The following CAMK1D variants were observed in gnomAD, a reference collection of about 807,000 sequenced individuals.
CAMK1D encodes calcium/calmodulin dependent protein kinase ID, also known as calcium/calmodulin-dependent protein kinase type 1D.
Under a neutral mutation model 47.7 loss-of-function variants are expected in CAMK1D, and 9 were observed. The observed-to-expected ratio is 0.19, with a 90% CI of 0.11 to 0.33. The LOEUF is 0.33. Ranked by LOEUF, CAMK1D falls within the 10% of genes least tolerant of loss-of-function variation. The pLI, the probability that CAMK1D is intolerant of heterozygous loss-of-function variation, is 1.00. For synonymous variants in CAMK1D, 184 were observed against 184.9 expected (o/e 0.99, Z 0.04); for missense variants, 291 against 488.7 (o/e 0.60, Z 3.81).
chr10:12,352,343 C>G (rs1837378422), intron 1 of CAMK1D, among the ~76,000 whole-genome samples: 1 of 152,160 alleles, frequency 6.6e-6, no homozygotes, highest in Non-Finnish European at 1.5e-5. Context: ...GGCGTGGTGG[C>G]TCACACCTGT....
chr10:12,391,976 AACACACACACACACACAC>A (rs10659393), intron 1 of CAMK1D, among the ~76,000 whole-genome samples: 10 of 143,146 alleles, frequency 7.0e-5, no homozygotes, highest in African/African-American at 2.4e-4. Flanking sequence ...CTTGTCTTAA[AACACACACACACACACAC>A]ACACACACAC....
intron 3 of CAMK1D, among the ~76,000 whole-genome samples, chr10:12,694,711 G>A (rs866349565): frequency 7.3e-5 from 11 of 150,254 alleles, no homozygotes; most frequent in African/African-American, 2.0e-4. Context: ...AGGATGACAC[G>A]TTTATTTTAA....
At chr10:12,816,483 C>T (rs1419214229) in intron 8 of CAMK1D, among the ~76,000 whole-genome samples, 155 bp downstream of exon 8, 1 of 152,108 alleles carries the variant, frequency 6.6e-6, no homozygotes, top group East Asian at 1.9e-4. Context: ...TCTCCCCAAG[C>T]CAACATTTGA....
intron 1 of CAMK1D, among the ~76,000 whole-genome samples, chr10:12,386,215 G>A (rs531340361): frequency 6.6e-6 from 1 of 152,192 alleles, no homozygotes; most frequent in East Asian, 1.9e-4. Flanking sequence ...AAGGTGGACC[G>A]ATTGCTTGAG....
chr10:12,385,739 C>CTTTT (rs71384318), intron 1 of CAMK1D, among the ~76,000 whole-genome samples: 4 of 100,544 alleles, frequency 4.0e-5, no homozygotes, highest in African/African-American at 3.9e-5. Flanking sequence ...TTGAATTGTA[C>CTTTT]TTTTTTTTTT....
intron 1 of CAMK1D, among the ~76,000 whole-genome samples, chr10:12,502,656 C>G (rs1034255004): frequency 4.6e-5 from 7 of 152,208 alleles, no homozygotes; most frequent in African/African-American, 1.4e-4. Context: ...CCTCGGACAC[C>G]AGGATGCTTG....
intron 1 of CAMK1D, among the ~76,000 whole-genome samples, chr10:12,419,852 A>G (rs774112661): frequency 1.3e-5 from 2 of 152,184 alleles, no homozygotes; most frequent in South Asian, 2.1e-4. Flanking sequence ...TCCTGTTGTC[A>G]TAGTGATTTA....
chr10:12,714,761 TACACACACACACACACAC>T (rs55827922), intron 3 of CAMK1D, among the ~76,000 whole-genome samples: 5 of 130,518 alleles, frequency 3.8e-5, no homozygotes, highest in South Asian at 5.6e-4. Context: ...TACATTAAAT[TACACACACACACACACAC>T]ACACACACAC....
chr10:12,810,315 C>T (rs1355389635), intron 6 of CAMK1D, among the ~76,000 whole-genome samples: 28 of 132,914 alleles, frequency 2.1e-4, no homozygotes, highest in Admixed American at 1.4e-3. Flanking sequence ...CGCTTTGTTG[C>T]CCAGGCTGGA....
chr10:12,608,748 A>G (rs948585058), intron 2 of CAMK1D, among the ~76,000 whole-genome samples: 1 of 152,238 alleles, frequency 6.6e-6, no homozygotes, highest in Non-Finnish European at 1.5e-5. Flanking sequence ...TTTGCTTTTT[A>G]CTTCAAACAT....
chr10:12,801,322 T>TA (rs1217331356), intron 6 of CAMK1D, among the ~76,000 whole-genome samples: 7 of 114,764 alleles, frequency 6.1e-5, no homozygotes, highest in South Asian at 3.0e-4. Context: ...TCTATCTATC[T>TA]ATCTATCTAT....
intron 2 of CAMK1D, among the ~76,000 whole-genome samples, chr10:12,599,107 C>T (rs935161978): frequency 1.3e-5 from 2 of 152,156 alleles, no homozygotes; most frequent in Admixed American, 1.3e-4. Context: ...GTTCCTACAG[C>T]CAATAACTCG....
At chr10:12,593,893 A>G (rs1009640460) in intron 2 of CAMK1D, among the ~76,000 whole-genome samples, 1 of 152,066 alleles carries the variant, frequency 6.6e-6, no homozygotes, top group African/African-American at 2.4e-5. Context: ...TCATTAAAAC[A>G]TGGCCAGGCG....
chr10:12,635,397 A>G (rs996719648), intron 2 of CAMK1D, among the ~76,000 whole-genome samples: 1 of 152,230 alleles, frequency 6.6e-6, no homozygotes, highest in African/African-American at 2.4e-5. Context: ...AAAACTGTTC[A>G]GATGTCACCG....
chr10:12,730,761 G>A (rs2130810801), intron 3 of CAMK1D, among the ~76,000 whole-genome samples: 1 of 152,264 alleles, frequency 6.6e-6, no homozygotes, highest in African/African-American at 2.4e-5. Flanking sequence ...GGAAGGAGTG[G>A]TCTCCAGGGT....
intron 10 of CAMK1D, among the ~76,000 whole-genome samples, chr10:12,827,211 C>G (rs1833242235): frequency 1.3e-5 from 2 of 149,038 alleles, no homozygotes; most frequent in African/African-American, 4.9e-5. Flanking sequence ...TGCCTCCCTC[C>G]TTCCTTTCCT....
intron 3 of CAMK1D, among the ~76,000 whole-genome samples, chr10:12,683,481 C>T (rs1832529781): frequency 1.3e-5 from 2 of 152,056 alleles, no homozygotes. Context: ...TTCAGTGGCA[C>T]TTTTTACTCT....
At chr10:12,354,392 G>A (rs1294636601) in intron 1 of CAMK1D, among the ~76,000 whole-genome samples, 2 of 151,580 alleles carry the variant, frequency 1.3e-5, no homozygotes, top group African/African-American at 4.9e-5. Context: ...CAGGTTGGGG[G>A]TGGGGAACAG....
intron 1 of CAMK1D, among the ~76,000 whole-genome samples, chr10:12,445,920 A>G (rs920973659): frequency 6.6e-6 from 1 of 152,192 alleles, no homozygotes; most frequent in African/African-American, 2.4e-5. Flanking sequence ...CTGAATGTCA[A>G]ATGCTAATTT....
Sources: gnomAD v4.1 joint callset for allele counts (sites outside exome capture counted in the v4.1 genomes callset) on GRCh38, gnomAD v4.1.1 for gene constraint, MANE v1.5 for transcripts, NCBI Gene and HGNC (gene_info 2026-07-23, HGNC 2026-07-21) for gene names.